CLYBL: variants seen among roughly 807,000 people sequenced by gnomAD.
CLYBL encodes the protein citramalyl-CoA lyase, also known as citramalyl-CoA lyase, mitochondrial.
A neutral mutation model predicts 38.9 loss-of-function variants in CLYBL; 31 were observed. The ratio of observed to expected loss-of-function variants is 0.80; its 90% CI spans 0.60 to 1.08. The LOEUF is 1.08. CLYBL is among the 50% of genes least tolerant of loss of function. CLYBL has a pLI of 0.00. For synonymous variants in CLYBL, 171 were observed against 158.6 expected (o/e 1.08, Z -0.59); for missense variants, 434 against 411.6 (o/e 1.05, Z -0.47).
intron 6 of CLYBL, among the ~76,000 whole-genome samples, chr13:99,868,360 A>T (rs2051802544): frequency 6.6e-6 from 1 of 152,124 alleles, no homozygotes; most frequent in Non-Finnish European, 1.5e-5. Flanking sequence ...GTTGTTTGGC[A>T]TTTGATTGCC....
downstream of CLYBL, chr13:99,895,785 G>A (rs1345072369): frequency 6.6e-6 from 1 of 152,266 alleles, no homozygotes; most frequent in African/African-American, 2.4e-5. Flanking sequence ...GTTAGCGCCC[G>A]GGCGGCGGCG....
chr13:99,898,621 A>G (rs1041761518), downstream of CLYBL, among the ~76,000 whole-genome samples: 15 of 152,220 alleles, frequency 9.9e-5, no homozygotes, highest in African/African-American at 3.4e-4. Flanking sequence ...CAGTGACAGC[A>G]TGGCTCTCTC....
At position 99,694,407 on chromosome 13, in the gene CLYBL, C is replaced by T. The variant is rs1468408424; in HGVS notation, c.63-78417C>T. The stretch of plus-strand genomic sequence containing the variant: ...TCCCCAAGTCTGTGTTGGGGACTTC[C>T]GCAGACACAGCAGATGGCCAGAGTG... On this transcript the variant is annotated intron_variant, in intron 1 of 8. Coordinates refer to ENST00000339105, the MANE Select transcript of CLYBL (RefSeq NM_206808.5). 5.3e-5 allele frequency among the ~76,000 whole-genome samples: 8 copies of T among 152,172 alleles called. No individual in the cohort carries two copies. The South Asian group carries it at 1.0e-3, about 20-fold the overall frequency.
At chr13:99,859,517 A>G (rs991552335) in intron 3 of CLYBL, among the ~76,000 whole-genome samples, 1 of 152,198 alleles carries the variant, frequency 6.6e-6, no homozygotes, top group Non-Finnish European at 1.5e-5. Flanking sequence ...AGGGGAGGAA[A>G]AGGTCACTCT....
intron 4 of CLYBL, 28 bp downstream of exon 4, chr13:99,863,120 G>C: frequency 8.1e-7 from 1 of 1,237,596 alleles, no homozygotes; most frequent in Non-Finnish European, 1.1e-6. Flanking sequence ...CGGTTAATAA[G>C]TTAGCATTTT....
chr13:99,724,933 A>G (rs1034910874), intron 1 of CLYBL, among the ~76,000 whole-genome samples: 2 of 152,222 alleles, frequency 1.3e-5, no homozygotes, highest in African/African-American at 2.4e-5. Context: ...GGGTAGTTCA[A>G]TCAAGCATTG....
chr13:99,840,252 T>TAA (rs35149509), intron 2 of CLYBL, among the ~76,000 whole-genome samples: 1 of 145,768 alleles, frequency 6.9e-6, no homozygotes, highest in South Asian at 2.2e-4. Flanking sequence ...CTCCTTTCCT[T>TAA]AAAAAAAAAA....
intron 2 of CLYBL, among the ~76,000 whole-genome samples, chr13:99,846,496 A>G (rs2051209702): frequency 6.6e-6 from 1 of 152,148 alleles, no homozygotes; most frequent in African/African-American, 2.4e-5. Flanking sequence ...TTTGTGTTCC[A>G]TTCCTGCCAT....
chr13:99,607,755 AT>A (rs1374214049), intron 1 of CLYBL, among the ~76,000 whole-genome samples: 3 of 151,830 alleles, frequency 2.0e-5, no homozygotes, highest in Non-Finnish European at 4.4e-5. Flanking sequence ...ATTTATTTTT[AT>A]TTTTTGAGAC....
intron 7 of CLYBL, among the ~76,000 whole-genome samples, chr13:99,885,469 C>T (rs761871537): frequency 6.6e-6 from 1 of 152,104 alleles, no homozygotes; most frequent in Non-Finnish European, 1.5e-5. Flanking sequence ...GAAGATATTG[C>T]ACTTAATTCT....
intron 2 of CLYBL, among the ~76,000 whole-genome samples, chr13:99,834,304 C>G (rs2050885925): frequency 6.6e-6 from 1 of 152,170 alleles, no homozygotes; most frequent in Non-Finnish European, 1.5e-5. Context: ...CCTGCTTATG[C>G]CAGGACTCCT....
intron 7 of CLYBL, among the ~76,000 whole-genome samples, chr13:99,886,716 G>T (rs558740623): frequency 1.3e-5 from 2 of 152,196 alleles, no homozygotes; most frequent in African/African-American, 2.4e-5. Flanking sequence ...GTGCAGTCTC[G>T]CAAAGATGGC....
chr13:99,633,288 C>T (rs1356452187), intron 1 of CLYBL, among the ~76,000 whole-genome samples: 1 of 150,302 alleles, frequency 6.7e-6, no homozygotes, highest in African/African-American at 2.4e-5. Flanking sequence ...GCCTGTAATC[C>T]CAGCACTTTG....
In CLYBL at chr13:99,765,516, C is replaced by G. The variant is rs186329303; in HGVS notation, c.63-7308C>G. Among the ~76,000 whole-genome samples the G allele has an allele frequency of 2.7e-3, 411 of 152,146 alleles. 6 individuals are homozygous for G. Among genetic ancestry groups the G allele is most frequent in the Non-Finnish European group, 2.1e-3 (142 of 68,016 alleles). On this transcript the variant is annotated intron_variant, in intron 1 of 8. Transcript: ENST00000339105. The stretch of plus-strand genomic sequence containing the variant: ...TTGAATAAGCTTTCTACCCCTTGCA[C>G]TTGCTCAACTCCCTATTGAACCTCA...
chr13:99,772,916 CT>C lies in CLYBL; in HGVS notation c.156del (p.Gly53GlufsTer7). 6.2e-7 allele frequency: 1 copy of C among 1,613,700 alleles called. No homozygotes were observed. The highest frequency in any genetic ancestry group is 2.2e-5 in the East Asian group (1 of 44,848). ...CCCCGGAGGGCAGTGCTTTATGTAC[CT>C]GGAAATGATGAAAAGAAAATAAAGA... Reference protein sequence around the residue: ...YIPRRAVLYVPGNDEKKIKKI... With the variant: ...YIPRRAVLYVXGNDEKKIKKI... On this transcript the variant is annotated frameshift_variant, in exon 2 of 9. Transcript: ENST00000339105. LOFTEE classifies it high-confidence loss of function.
chr13:99,643,305 C>T (rs565628564), intron 1 of CLYBL, among the ~76,000 whole-genome samples: 1 of 152,242 alleles, frequency 6.6e-6, no homozygotes, highest in East Asian at 1.9e-4. Flanking sequence ...TTCTGAATAA[C>T]CAGGAATTTT....
At chr13:99,898,785 C>A (rs986067458), downstream of CLYBL, among the ~76,000 whole-genome samples, 12 of 152,228 alleles carry the variant, frequency 7.9e-5, no homozygotes, top group African/African-American at 2.9e-4. Context: ...CCCCTAGAGA[C>A]AACTTGCTGC....
intron 2 of CLYBL, among the ~76,000 whole-genome samples, chr13:99,841,999 A>G (rs1161343668): frequency 6.7e-6 from 1 of 149,384 alleles, no homozygotes; most frequent in Non-Finnish European, 1.5e-5. Context: ...TATATTTTCA[A>G]TAGAGACAGG....
Position 99,695,924 on chromosome 13 carries a change from C to T in CLYBL, c.63-76900C>T, listed in dbSNP as rs7985956. Among the ~76,000 whole-genome samples the T allele has an allele frequency of 6.6e-5, 10 of 152,110 alleles. No individual in the cohort carries two copies. In the South Asian group the frequency reaches 8.3e-4, roughly 13 times the overall value. ...GACCTTCCTACTTCTGCAGTTTTCT[C>T]GATTTCTTTCAGTTTACAGTACTCA... On this transcript the variant is annotated intron_variant, in intron 1 of 8. Coordinates refer to ENST00000339105, the MANE Select transcript of CLYBL (RefSeq NM_206808.5).
Sources: gnomAD v4.1 joint callset for allele counts (sites outside exome capture counted in the v4.1 genomes callset) on GRCh38, gnomAD v4.1.1 for gene constraint, MANE v1.5 for transcripts, NCBI Gene and HGNC (gene_info 2026-07-23, HGNC 2026-07-21) for gene names.